The following PRRX2 variants were observed in gnomAD, a reference collection of about 807,000 sequenced individuals.
The protein encoded by PRRX2 is paired mesoderm homeobox protein 2.
In PRRX2, 11 loss-of-function variants were observed where a neutral mutation model predicts 18.0. The observed-to-expected ratio is 0.61, with a 90% CI of 0.39 to 1.01. The LOEUF (loss-of-function observed/expected upper bound fraction) is 1.01, where lower values mean the gene tolerates loss of function less well. Among genes scored for constraint, PRRX2 ranks in the 50% least tolerant of loss-of-function variants. PRRX2 has a pLI of 0.01. For missense variants in PRRX2, 387 were observed against 351.0 expected, an observed-to-expected ratio of 1.10 and a Z score of -0.82; for synonymous variants, 177 against 154.8, an observed-to-expected ratio of 1.14 and a Z score of -1.06.
intron 1 of PRRX2, among the ~76,000 whole-genome samples, chr9:129,703,241 C>T (rs1341471508): frequency 1.3e-5 from 2 of 152,156 alleles, no homozygotes; most frequent in African/African-American, 2.4e-5. Flanking sequence ...CCGAGCATTC[C>T]GACTTGTTCG....
chr9:129,701,095 A>G (rs1832489856), intron 1 of PRRX2, among the ~76,000 whole-genome samples: 1 of 152,254 alleles, frequency 6.6e-6, no homozygotes. Flanking sequence ...GGAAAATCGC[A>G]AGAGACCTAA....
At chr9:129,713,430 G>A (rs1331906348) in intron 1 of PRRX2, among the ~76,000 whole-genome samples, 1 of 152,144 alleles carries the variant, frequency 6.6e-6, no homozygotes, top group Admixed American at 6.5e-5. Flanking sequence ...AAGAGGTGAC[G>A]TGAGGCTGGA....
chr9:129,677,250 T>C (rs1832171326), intron 1 of PRRX2, among the ~76,000 whole-genome samples: 1 of 152,240 alleles, frequency 6.6e-6, no homozygotes, highest in Admixed American at 6.5e-5. Context: ...AGCCTCTCAC[T>C]GAATCACTCA....
chr9:129,721,573 C>CTTAT (rs1340545114), intron 3 of PRRX2, among the ~76,000 whole-genome samples: 1 of 151,834 alleles, frequency 6.6e-6, no homozygotes, highest in Non-Finnish European at 1.5e-5. Context: ...AAGGGGCATC[C>CTTAT]TTATTTATTT....
At chr9:129,701,972 G>T (rs1345046473) in intron 1 of PRRX2, among the ~76,000 whole-genome samples, 1 of 152,148 alleles carries the variant, frequency 6.6e-6, no homozygotes, top group Non-Finnish European at 1.5e-5. Context: ...CTGATGCCGG[G>T]TGCCTGTAAT....
In PRRX2 at chr9:129,714,402, CAA is replaced by C. The variant is rs144863124; in HGVS notation, c.260-4813_260-4812del. 9.9e-4 allele frequency among the ~76,000 whole-genome samples: 101 copies of C among 102,452 alleles called. 1 individual carries two copies. The East Asian group carries it at 1.0e-2, about 10-fold the overall frequency. 67.2% of individuals were successfully genotyped at this position (102,452 alleles called of 152,430 possible). On this transcript the variant is annotated intron_variant, in intron 1 of 3. Transcript: ENST00000372469. Reference sequence around the variant, plus strand: ...TGGGGGACAGAGCGATACTCTGTCTCAAAAAAAAAAAAAAAAAGTAATAAAAT... The same window carrying C: ...TGGGGGACAGAGCGATACTCTGTCTCAAAAAAAAAAAAAAAGTAATAAAAT...
chr9:129,699,131 T>C (rs1832464575), intron 1 of PRRX2, among the ~76,000 whole-genome samples: 1 of 152,150 alleles, frequency 6.6e-6, no homozygotes, highest in African/African-American at 2.4e-5. Context: ...ATTAAAAAAA[T>C]CCATCAATAG....
chr9:129,689,250 G>C (rs765054787), intron 1 of PRRX2, among the ~76,000 whole-genome samples: 2 of 152,174 alleles, frequency 1.3e-5, no homozygotes, highest in Non-Finnish European at 2.9e-5. Flanking sequence ...CTGGAATCCT[G>C]CCTCTGCCAC....
At chr9:129,683,926 C>A (rs2119065680) in intron 1 of PRRX2, among the ~76,000 whole-genome samples, 1 of 152,292 alleles carries the variant, frequency 6.6e-6, no homozygotes, top group South Asian at 2.1e-4. Context: ...TCCCTACCCT[C>A]TTCCTGTACA....
At chr9:129,684,647 G>A (rs73670171) in intron 1 of PRRX2, among the ~76,000 whole-genome samples, 9,319 of 152,174 alleles carry the variant, frequency 0.061, 357 homozygotes, top group African/African-American at 0.1. Flanking sequence ...CTGATTGGCC[G>A]AGGCCTGGGC....
At chr9:129,693,985 T>C (rs1832391524) in intron 1 of PRRX2, among the ~76,000 whole-genome samples, 1 of 152,154 alleles carries the variant, frequency 6.6e-6, no homozygotes. Flanking sequence ...GGCAGAGTCC[T>C]TGCTTGGGGT....
chr9:129,682,574 G>A (rs1249986642), intron 1 of PRRX2, among the ~76,000 whole-genome samples: 2 of 152,158 alleles, frequency 1.3e-5, no homozygotes, highest in East Asian at 3.9e-4. Context: ...TTATTCCTTT[G>A]TCTCTTGACT....
intron 1 of PRRX2, among the ~76,000 whole-genome samples, chr9:129,677,806 CAA>C (rs1832179837): frequency 6.6e-6 from 1 of 152,094 alleles, no homozygotes; most frequent in Non-Finnish European, 1.5e-5. Context: ...TTGCTAGAGA[CAA>C]GAAGTAAAAA....
rs181521629 is a variant in PRRX2, at chr9:129,674,173, C to G, written c.259+8047C>G. Among the ~76,000 whole-genome samples, 772 of 152,264 alleles carry G rather than the reference C, an allele frequency of 5.1e-3. 6 individuals are homozygous for G. The highest frequency in any genetic ancestry group is 0.018 in the African/African-American group (739 of 41,538). On this transcript the variant is annotated intron_variant, in intron 1 of 3. Transcript: ENST00000372469. Reference sequence around the variant, plus strand: ...CTGGTTGCTCTCGCTGCCCTGAGCCCGGGTCCAGCTGCCCTGCTCTGTGTC... The same window carrying G: ...CTGGTTGCTCTCGCTGCCCTGAGCCGGGGTCCAGCTGCCCTGCTCTGTGTC...
intron 1 of PRRX2, among the ~76,000 whole-genome samples, chr9:129,691,938 T>TATTG (rs1195943880): frequency 6.6e-6 from 1 of 151,004 alleles, no homozygotes; most frequent in African/African-American, 2.5e-5. Context: ...GGTACTTATT[T>TATTG]ATTTATTTAT....
In PRRX2 at chr9:129,718,257, TCTAA is replaced by T. The variant is rs537478235; in HGVS notation, c.260-971_260-968del. On this transcript the variant is annotated intron_variant, in intron 1 of 3. Coordinates refer to ENST00000372469, the MANE Select transcript of PRRX2 (RefSeq NM_016307.4). Reference sequence around the variant, plus strand: ...CTTGGCTGGACACCCTCCCTCACTCTCTAACTGATTGGAGAACTCTTGGGGATCC... The same window carrying T: ...CTTGGCTGGACACCCTCCCTCACTCTCTGATTGGAGAACTCTTGGGGATCC... Among the ~76,000 whole-genome samples the T allele has an allele frequency of 1.1e-4, 17 of 152,228 alleles. No individual in the cohort carries two copies. In the South Asian group the frequency reaches 3.5e-3, roughly 32 times the overall value.
At chr9:129,711,053 T>A (rs1421504853) in intron 1 of PRRX2, among the ~76,000 whole-genome samples, 1 of 152,092 alleles carries the variant, frequency 6.6e-6, no homozygotes, top group African/African-American at 2.4e-5. Context: ...CCCAAGAATG[T>A]TTCTGTTGCC....
intron 1 of PRRX2, among the ~76,000 whole-genome samples, chr9:129,672,723 G>A (rs900440608): frequency 2.0e-5 from 3 of 152,116 alleles, no homozygotes; most frequent in African/African-American, 7.2e-5. Flanking sequence ...TGGGAGTGTG[G>A]GGGTGATGCC....
chr9:129,668,324 G>C (rs538209050), intron 1 of PRRX2, among the ~76,000 whole-genome samples: 3 of 152,288 alleles, frequency 2.0e-5, no homozygotes, highest in African/African-American at 7.2e-5. Flanking sequence ...ACCTTGCTGG[G>C]CTTGCCGGGA....
Sources: gnomAD v4.1 joint callset for allele counts (sites outside exome capture counted in the v4.1 genomes callset) on GRCh38, gnomAD v4.1.1 for gene constraint, MANE v1.5 for transcripts, NCBI Gene and HGNC (gene_info 2026-07-23, HGNC 2026-07-21) for gene names.